The following CCDC88C variants were observed in gnomAD, a reference collection of about 807,000 sequenced individuals.
CCDC88C encodes protein Daple.
CCDC88C carries 131 observed loss-of-function variants against 198.8 expected under a neutral mutation model. The ratio of observed to expected loss-of-function variants is 0.66; its 90% CI spans 0.57 to 0.76. CCDC88C has a LOEUF of 0.76. CCDC88C is among the 30% of genes least tolerant of loss of function. The pLI, the probability that CCDC88C is intolerant of heterozygous loss-of-function variation, is 0.00. For missense variants in CCDC88C, 2,553 were observed against 2,631.6 expected, an observed-to-expected ratio of 0.97 and a Z score of 0.65; for synonymous variants, 1,166 against 1,114.7, an observed-to-expected ratio of 1.05 and a Z score of -0.92.
intron 3 of CCDC88C, among the ~76,000 whole-genome samples, chr14:91,375,289 G>A (rs1246606638): frequency 2.0e-5 from 3 of 152,130 alleles, no homozygotes; most frequent in Non-Finnish European, 4.4e-5. Flanking sequence ...GCGCATGTGG[G>A]AGAGAGAGAG....
chr14:91,362,410 A>G (rs1224932330), intron 3 of CCDC88C, among the ~76,000 whole-genome samples: 2 of 151,036 alleles, frequency 1.3e-5, no homozygotes, highest in Admixed American at 6.6e-5. Flanking sequence ...GCGAGATGCA[A>G]TATGTGAAAT....
chr14:91,336,180 GA>G (rs1314381294), intron 10 of CCDC88C, among the ~76,000 whole-genome samples: 1 of 152,178 alleles, frequency 6.6e-6, no homozygotes, highest in Non-Finnish European at 1.5e-5. Context: ...GGAGATGATG[GA>G]AACCTCTCTA....
chr14:91,339,457 G>T lies in CCDC88C; in HGVS notation c.630C>A (p.Ile210=). 1 of 1,603,480 alleles carries T rather than the reference G, an allele frequency of 6.2e-7. No homozygotes were observed. ...IDQRDECTEL[I]VDLTQERDYL... ...AGTCCCGTTCCTGAGTGAGGTCCACGATCAGCTGCAGCCGGGCAGAGAGGG... is the reference window on the plus strand; with the variant it reads ...AGTCCCGTTCCTGAGTGAGGTCCACTATCAGCTGCAGCCGGGCAGAGAGGG... Residue 210 remains isoleucine (I), a synonymous_variant, in exon 8 of 30, where the codon ATC becomes ATA. Coordinates refer to ENST00000389857, the MANE Select transcript of CCDC88C (RefSeq NM_001080414.4). The surrounding 1 kb of genome is among the most constrained non-coding windows in gnomAD (Gnocchi z 5.8).
chr14:91,355,739 G>C (rs530459490), intron 4 of CCDC88C, among the ~76,000 whole-genome samples: 2 of 138,064 alleles, frequency 1.4e-5, no homozygotes, highest in East Asian at 4.0e-4. Context: ...TGTCTGATGG[G>C]TGTGGGGGGT....
At chr14:91,366,597 C>A (rs987188616) in intron 3 of CCDC88C, among the ~76,000 whole-genome samples, 2 of 152,196 alleles carry the variant, frequency 1.3e-5, no homozygotes, top group African/African-American at 4.8e-5. Flanking sequence ...CACCAACTAT[C>A]CAAGATGAGG....
At chr14:91,396,142 A>G (rs898636326) in intron 3 of CCDC88C, among the ~76,000 whole-genome samples, 1 of 152,246 alleles carries the variant, frequency 6.6e-6, no homozygotes, top group African/African-American at 2.4e-5. Context: ...CCATTCCCCA[A>G]AGAAGAGCTG....
Position 91,417,714 on chromosome 14 carries a change from C to G in CCDC88C, c.-24G>C, listed in dbSNP as rs915220711. Reference sequence around the variant, plus strand: ...ATGCTGAGGCTGCGCCCGCCGGCTCCGCGCCCCCCGCCCCGCGTCCCCGTT... The same window carrying G: ...ATGCTGAGGCTGCGCCCGCCGGCTCGGCGCCCCCCGCCCCGCGTCCCCGTT... On this transcript the variant is annotated 5_prime_UTR_variant, in exon 1 of 30. Transcript: ENST00000389857. 6.7e-7 allele frequency: 1 copy of G among 1,490,336 alleles called. No individual in the cohort carries two copies. The highest frequency in any genetic ancestry group is 2.2e-5 in the Admixed American group (1 of 46,008). 92.3% of individuals were successfully genotyped at this position (1,490,336 alleles called of 1,614,324 possible).
At chr14:91,281,754 C>T (rs1307816270) in intron 26 of CCDC88C, among the ~76,000 whole-genome samples, 3 of 152,160 alleles carry the variant, frequency 2.0e-5, no homozygotes, top group Non-Finnish European at 4.4e-5. Flanking sequence ...CACACTTCCA[C>T]CTCTGCTGTG....
chr14:91,308,367 T>A lies in CCDC88C; in HGVS notation c.2990A>T (p.Glu997Val), dbSNP rs1193808963. The change falls in exon 17 of 30, where the codon GAG (glutamate) becomes GTG (valine). Residue 997 changes from glutamate to valine, a missense_variant. Glu to Val is a moderately radical substitution (Grantham distance 121). Around this residue, in one of 2 missense-constraint regions of CCDC88C, gnomAD observed 1,260 missense variants for 1,412.0 expected, o/e 0.89. Transcript: ENST00000389857. Reference sequence around the variant, plus strand: ...CACACTCACCATCTGCAGCTCACTCTCTAACTGGCGATTTAGGCTCGCTTT... The same window carrying A: ...CACACTCACCATCTGCAGCTCACTCACTAACTGGCGATTTAGGCTCGCTTT... ...EEKASLNRQL[E>V]SELQMLKKEC... The A allele has an allele frequency of 5.6e-6, 9 of 1,613,956 alleles. No individual in the cohort carries two copies. The highest frequency in any genetic ancestry group is 1.7e-5 in the Admixed American group (1 of 60,014).
In CCDC88C at chr14:91,272,514, T is replaced by C; in HGVS notation, c.*111A>G. On this transcript the variant is annotated 3_prime_UTR_variant, in exon 30 of 30. Coordinates refer to ENST00000389857, the MANE Select transcript of CCDC88C (RefSeq NM_001080414.4). ...AACAGCAGAAATGCGTGGGAACCCCTTTCCTCATTCCAAACCCTCTCCTGG... is the reference window on the plus strand; with the variant it reads ...AACAGCAGAAATGCGTGGGAACCCCCTTCCTCATTCCAAACCCTCTCCTGG... 1.7e-6 allele frequency: 2 copies of C among 1,155,004 alleles called. No homozygotes were observed. The highest frequency in any genetic ancestry group is 2.4e-6 in the Non-Finnish European group (2 of 816,514). 71.5% of individuals were successfully genotyped at this position (1,155,004 alleles called of 1,614,324 possible).
intron 3 of CCDC88C, among the ~76,000 whole-genome samples, chr14:91,378,040 C>T (rs1297359160): frequency 6.6e-6 from 1 of 152,174 alleles, no homozygotes; most frequent in Admixed American, 6.5e-5. Flanking sequence ...AGAAATCTGC[C>T]ACATTAGAGG....
intron 3 of CCDC88C, 75 bp from the exon 4 acceptor site, chr14:91,359,786 G>A: frequency 1.5e-6 from 2 of 1,349,868 alleles, no homozygotes; most frequent in Non-Finnish European, 2.1e-6. Context: ...TAAATTACAA[G>A]TAATGAAGCC....
chr14:91,295,810 C>A (rs985289196), intron 22 of CCDC88C, among the ~76,000 whole-genome samples: 5 of 152,154 alleles, frequency 3.3e-5, no homozygotes, highest in East Asian at 1.9e-4. Context: ...CAGTCCCTAG[C>A]ATGGGACTGC....
chr14:91,337,842 A>G (rs1893115802), intron 10 of CCDC88C, among the ~76,000 whole-genome samples, 163 bp downstream of exon 10: 1 of 152,204 alleles, frequency 6.6e-6, no homozygotes, highest in Non-Finnish European at 1.5e-5. Context: ...GAGGAGCAAG[A>G]CGGGGGCCCT....
chr14:91,388,020 T>C (rs1379353682), intron 3 of CCDC88C, among the ~76,000 whole-genome samples: 1 of 152,180 alleles, frequency 6.6e-6, no homozygotes, highest in African/African-American at 2.4e-5. Flanking sequence ...GGCTCCCCAT[T>C]GGTTCTGCCT....
chr14:91,329,107 C>T (rs1432604848), intron 10 of CCDC88C, among the ~76,000 whole-genome samples: 1 of 152,242 alleles, frequency 6.6e-6, no homozygotes, highest in Non-Finnish European at 1.5e-5. Context: ...CACCCCCGCT[C>T]TGAACCCTAC....
chr14:91,344,247 C>CATCAG (rs11282282), intron 4 of CCDC88C, among the ~76,000 whole-genome samples: 76,261 of 151,386 alleles, frequency 0.5, 19,476 homozygotes, highest in African/African-American at 0.55. Context: ...CTTTTTAGCG[C>CATCAG]GTAAGCAAAG....
In CCDC88C at chr14:91,381,724, C is replaced by T. The variant is rs1884804385; in HGVS notation, c.271-22013G>A. ...TGGCGCGTGCATGTAATTCCAGGTA[C>T]TTGGGAGGCTGAGGCAGGAGAATCG... On this transcript the variant is annotated intron_variant, in intron 3 of 29. Transcript: ENST00000389857. This position sits in a 1 kb window ranked among gnomAD's most constrained non-coding sequence, Gnocchi z 4.2. Among the ~76,000 whole-genome samples the T allele has an allele frequency of 6.6e-6, 1 of 152,178 alleles. No homozygotes were observed. Among genetic ancestry groups the T allele is most frequent in the East Asian group, 1.9e-4 (1 of 5,196 alleles).
chr14:91,411,835 C>T (rs184319060), intron 2 of CCDC88C, among the ~76,000 whole-genome samples: 6 of 151,922 alleles, frequency 3.9e-5, no homozygotes, highest in Non-Finnish European at 8.8e-5. Context: ...TGGTGGCATG[C>T]GCCTGTAATC....
Sources: allele counts gnomAD v4.1 joint callset (sites outside exome capture counted in the v4.1 genomes callset), GRCh38; gene constraint gnomAD v4.1.1; regional missense constraint gnomAD v4.1.1; non-coding constraint Gnocchi (gnomAD v3.1); transcripts MANE v1.5; gene names NCBI Gene and HGNC (gene_info 2026-07-23, HGNC 2026-07-21).